Variants in PDE10A observed in about 807,000 individuals in gnomAD.
PDE10A encodes phosphodiesterase 10A.
In PDE10A, 39 loss-of-function variants were observed where a neutral mutation model predicts 97.7. That is an observed-to-expected ratio of 0.40 (90% CI 0.31 to 0.52). PDE10A has a LOEUF of 0.52. PDE10A is among the 20% of genes least tolerant of loss of function. The pLI is 0.56. For synonymous variants in PDE10A, 371 were observed against 376.8 expected, an observed-to-expected ratio of 0.98 and a Z score of 0.18; for missense variants, 731 against 1,047.8, an observed-to-expected ratio of 0.70 and a Z score of 4.17.
chr6:165,934,741 A>G lies in PDE10A; in HGVS notation c.-615+52788T>C, dbSNP rs542418776. ...TTTGTTCCACCCCACCACTCTCTGC[A>G]ATGCCATGGATGGGCTCCCAATGTG... On this transcript the variant is annotated intron_variant, in intron 1 of 19. Coordinates refer to the PDE10A transcript ENST00000366882. 5.3e-5 allele frequency among the ~76,000 whole-genome samples: 8 copies of G among 152,296 alleles called. No individual in the cohort carries two copies. The East Asian group carries it at 9.7e-4, about 18-fold the overall frequency.
chr6:165,879,681 T>A (rs543777091), intron 1 of PDE10A, among the ~76,000 whole-genome samples: 7 of 152,382 alleles, frequency 4.6e-5, no homozygotes, highest in African/African-American at 1.7e-4. Flanking sequence ...TCCTGTGTAC[T>A]TTAAATTGTC....
chr6:165,513,762 T>C (rs1193572014), intron 2 of PDE10A, among the ~76,000 whole-genome samples: 1 of 152,158 alleles, frequency 6.6e-6, no homozygotes, highest in African/African-American at 2.4e-5. Context: ...TTAAGTATTT[T>C]ATTTTTTGAT....
At chr6:165,512,602 T>A (rs57239331) in intron 2 of PDE10A, among the ~76,000 whole-genome samples, 1 of 151,982 alleles carries the variant, frequency 6.6e-6, no homozygotes, top group African/African-American at 2.4e-5. Flanking sequence ...GGAGAGACAT[T>A]TGAATTGTTT....
chr6:165,874,968 A>G (rs761241069), intron 1 of PDE10A, among the ~76,000 whole-genome samples: 3 of 152,232 alleles, frequency 2.0e-5, no homozygotes, highest in Non-Finnish European at 4.4e-5. Flanking sequence ...ATATGGAACT[A>G]GTACTCAGTT....
chr6:165,494,027 C>G (rs541073167), intron 2 of PDE10A, among the ~76,000 whole-genome samples: 1 of 150,778 alleles, frequency 6.6e-6, no homozygotes, highest in Non-Finnish European at 1.5e-5. Flanking sequence ...AGACAATTCT[C>G]AAAAGAAGAT....
intron 17 of PDE10A, among the ~76,000 whole-genome samples, chr6:165,383,610 C>G (rs939435758): frequency 3.3e-5 from 5 of 152,132 alleles, no homozygotes; most frequent in African/African-American, 1.2e-4. Flanking sequence ...CATGCTCTAC[C>G]TTCACACTTC....
chr6:165,417,305 C>T lies in PDE10A; in HGVS notation c.1797-1024G>A, dbSNP rs369500496. 2.0e-4 allele frequency among the ~76,000 whole-genome samples: 30 copies of T among 152,172 alleles called. No homozygotes were observed. In the East Asian group the frequency reaches 5.0e-3, roughly 26 times the overall value. Reference sequence around the variant, plus strand: ...GCCATGAGCAAAGGGTATCAGAATCCATTTGATGATTTATGCTTCTTTGCG... The same window carrying T: ...GCCATGAGCAAAGGGTATCAGAATCTATTTGATGATTTATGCTTCTTTGCG... On this transcript the variant is annotated intron_variant, in intron 11 of 21. Transcript: ENST00000539869.
chr6:165,442,221 C>A (rs1790521222), intron 5 of PDE10A, among the ~76,000 whole-genome samples: 1 of 152,030 alleles, frequency 6.6e-6, no homozygotes, highest in Non-Finnish European at 1.5e-5. Flanking sequence ...TATACATGTG[C>A]CATGTTGGTG....
intron 1 of PDE10A, among the ~76,000 whole-genome samples, chr6:165,876,034 G>A (rs1781336442): frequency 6.6e-6 from 1 of 152,210 alleles, no homozygotes; most frequent in African/African-American, 2.4e-5. Context: ...GCAGCTCTAT[G>A]CATAAATAAA....
chr6:165,928,066 A>C (rs1324636657), intron 1 of PDE10A, among the ~76,000 whole-genome samples: 1 of 150,766 alleles, frequency 6.6e-6, no homozygotes. Flanking sequence ...ATATGTAATT[A>C]AACATATTTA....
At chr6:165,714,609 G>A (rs1052821789) in intron 1 of PDE10A, among the ~76,000 whole-genome samples, 6 of 152,226 alleles carry the variant, frequency 3.9e-5, no homozygotes, top group Admixed American at 1.3e-4. Flanking sequence ...AACCCCATTC[G>A]CAGCCCATCC....
chr6:165,579,876 T>A (rs1472266846), intron 1 of PDE10A, among the ~76,000 whole-genome samples: 5 of 152,092 alleles, frequency 3.3e-5, no homozygotes, highest in Non-Finnish European at 5.9e-5. Flanking sequence ...GGTGTCTACA[T>A]CACACCTCCT....
chr6:165,687,096 A>G (rs941669970), intron 1 of PDE10A, among the ~76,000 whole-genome samples: 7 of 152,256 alleles, frequency 4.6e-5, no homozygotes, highest in African/African-American at 1.7e-4. Context: ...AACTGAGAGC[A>G]TGGCTGCTTC....
intron 1 of PDE10A, among the ~76,000 whole-genome samples, chr6:165,691,814 G>A (rs376862243): frequency 1.9e-4 from 29 of 152,328 alleles, no homozygotes; most frequent in African/African-American, 6.7e-4. Context: ...CGTGTCCTGT[G>A]TCCCCATCAG....
chr6:165,354,076 A>G (rs527374897), intron 18 of PDE10A, among the ~76,000 whole-genome samples: 1 of 152,210 alleles, frequency 6.6e-6, no homozygotes, highest in African/African-American at 2.4e-5. Flanking sequence ...TATAGTTTCA[A>G]ATAAGATGGA....
At chr6:165,646,175 G>C (rs746856015) in intron 1 of PDE10A, among the ~76,000 whole-genome samples, 4 of 152,188 alleles carry the variant, frequency 2.6e-5, no homozygotes, top group Non-Finnish European at 5.9e-5. Context: ...GTGCAAGGAC[G>C]TTCATTTATA....
intron 1 of PDE10A, among the ~76,000 whole-genome samples, chr6:165,813,014 G>A (rs1779320738): frequency 2.6e-5 from 4 of 152,164 alleles, no homozygotes; most frequent in Admixed American, 2.6e-4. Flanking sequence ...GGAATGCCTT[G>A]ATGATCAAGT....
chr6:165,933,310 C>T (rs941007905), intron 1 of PDE10A, among the ~76,000 whole-genome samples: 7 of 152,050 alleles, frequency 4.6e-5, no homozygotes, highest in African/African-American at 1.7e-4. Flanking sequence ...CTTGATGGAC[C>T]CACAGGAGAG....
intron 1 of PDE10A, among the ~76,000 whole-genome samples, chr6:165,652,976 C>T (rs1789757375): frequency 6.6e-6 from 1 of 152,182 alleles, no homozygotes. Flanking sequence ...CCCACCAGCT[C>T]GGGCATATGG....
Sources: allele counts gnomAD v4.1 joint callset (sites outside exome capture counted in the v4.1 genomes callset), GRCh38; gene constraint gnomAD v4.1.1; transcripts MANE v1.5; gene names NCBI Gene and HGNC (gene_info 2026-07-23, HGNC 2026-07-21).